Variants in KCTD19 observed in about 807,000 individuals in gnomAD.
KCTD19 encodes potassium channel tetramerization domain containing 19, also known as BTB/POZ domain-containing protein KCTD19.
A neutral mutation model predicts 103.5 loss-of-function variants in KCTD19; 67 were observed. That is an observed-to-expected ratio of 0.65 (90% CI 0.53 to 0.79). The LOEUF (loss-of-function observed/expected upper bound fraction) is 0.79. Ranked by LOEUF, KCTD19 falls within the 30% of genes least tolerant of loss-of-function variation. The pLI, the probability that KCTD19 is intolerant of heterozygous loss-of-function variation, is 0.00. For missense variants in KCTD19, 980 were observed against 1,136.1 expected, an observed-to-expected ratio of 0.86 and a Z score of 1.98; for synonymous variants, 439 against 452.2, an observed-to-expected ratio of 0.97 and a Z score of 0.37.
intron 8 of KCTD19, 97 bp from the exon 9 acceptor site, chr16:67,295,502 A>G: frequency 8.5e-7 from 1 of 1,176,836 alleles, no homozygotes; most frequent in Non-Finnish European, 1.2e-6. Flanking sequence ...ACTACACTAG[A>G]GCAGAGGCTT....
chr16:67,309,053 C>T (rs2036923092), intron 2 of KCTD19, among the ~76,000 whole-genome samples: 1 of 149,558 alleles, frequency 6.7e-6, no homozygotes, highest in Admixed American at 6.7e-5. Flanking sequence ...CATTTGAACC[C>T]AGGAGGCAGA....
rs2036861458 is a variant in KCTD19 at position 67,303,622 on chromosome 16, A to T, written c.452-285T>A. Among the ~76,000 whole-genome samples, 1 of 152,008 alleles carries T rather than the reference A, an allele frequency of 6.6e-6. No individual in the cohort carries two copies. The highest frequency in any genetic ancestry group is 1.5e-5 in the Non-Finnish European group (1 of 68,006). On this transcript the variant is annotated intron_variant, in intron 3 of 15. Coordinates refer to ENST00000304372, the MANE Select transcript of KCTD19 (RefSeq NM_001100915.3). This position sits in a 1 kb window ranked among gnomAD's most constrained non-coding sequence, Gnocchi z 4.3. ...GAATTCAGTGGTGCCATCTTGGCTC[A>T]CTGCAACCTCTGTCTCTCAGATTCA...
chr16:67,290,204 G>C (rs1273520880), intron 15 of KCTD19, among the ~76,000 whole-genome samples: 2 of 107,124 alleles, frequency 1.9e-5, no homozygotes, highest in Non-Finnish European at 3.4e-5. Context: ...TTGAGACGGA[G>C]TCTCGCTCTG....
intron 2 of KCTD19, among the ~76,000 whole-genome samples, chr16:67,306,026 G>C (rs1301913579): frequency 6.6e-6 from 1 of 152,202 alleles, no homozygotes; most frequent in Non-Finnish European, 1.5e-5. Context: ...GTGCTTTCCT[G>C]TGGCAGTGAA....
chr16:67,310,101 T>C lies in KCTD19; in HGVS notation c.301-5530A>G, dbSNP rs1597397641. 2.0e-5 allele frequency among the ~76,000 whole-genome samples: 3 copies of C among 152,356 alleles called. No individual in the cohort carries two copies. In the East Asian group the frequency reaches 5.8e-4, roughly 29 times the overall value. On this transcript the variant is annotated intron_variant, in intron 2 of 15. Coordinates refer to ENST00000304372, the MANE Select transcript of KCTD19 (RefSeq NM_001100915.3). ...GAACTCTGTCAACCAATACTTGCTC[T>C]GACTTCTAGAAATACAAGTCCTCTA...
chr16:67,312,991 G>A lies in KCTD19; in HGVS notation c.300+7598C>T, dbSNP rs540538136. On this transcript the variant is annotated intron_variant, in intron 2 of 15. Transcript: ENST00000304372. ...TAGGCTTTGCTTTGCTAGCCACATG[G>A]TCTCTGTCAACTCAACCACTCAGCT... 7.9e-5 allele frequency among the ~76,000 whole-genome samples: 12 copies of A among 152,248 alleles called. No homozygotes were observed. The South Asian group carries it at 2.3e-3, about 29-fold the overall frequency.
In KCTD19 at chr16:67,303,012, G is replaced by A; in HGVS notation, c.643+134C>T. The A allele has an allele frequency of 1.3e-6, 1 of 762,072 alleles. No homozygotes were observed. Among genetic ancestry groups the A allele is most frequent in the Non-Finnish European group, 2.1e-6 (1 of 469,838 alleles). The allele number at this position is 762,072 out of a possible 1,614,324, so 47.2% of individuals were successfully genotyped here. A position where few individuals can be genotyped will look rare whatever the true frequency, so the allele number is the denominator to read the frequency against. On this transcript the variant is annotated intron_variant, in intron 4 of 15. Transcript: ENST00000304372. This position sits in a 1 kb window ranked among gnomAD's most constrained non-coding sequence, Gnocchi z 4.3. ...CTTGCTTCCTGGAAGGCTCTGTCAT[G>A]CTTCCGCTACCTCTGCCCAGGGAAG... is the stretch of plus-strand genomic sequence containing the variant.
chr16:67,301,709 T>C (rs768617147), intron 5 of KCTD19, 82 bp downstream of exon 5: 29 of 1,309,660 alleles, frequency 2.2e-5, no homozygotes, highest in Admixed American at 3.7e-5. Context: ...CCCGAAGTGA[T>C]TGTGGGAGGG....
In KCTD19 at chr16:67,291,728, C is replaced by T. The variant is rs749653768; in HGVS notation, c.2328G>A (p.Met776Ile). The stretch of plus-strand genomic sequence containing the variant: ...TATAGATGATGCTGTCCTCAAAGAA[C>T]ATGCAGAAGCCATCGCTGCCCACCA... ...PPVVGSDGFCMFFEDSIIYTT... is the reference protein window; with the variant it reads ...PPVVGSDGFCIFFEDSIIYTT... Residue 776 changes from methionine (M) to isoleucine (I), a missense_variant, in exon 13 of 16, where the codon ATG (methionine) becomes ATA (isoleucine). Met to Ile is a conservative substitution (Grantham distance 10). Coordinates refer to ENST00000304372, the MANE Select transcript of KCTD19 (RefSeq NM_001100915.3). The T allele has an allele frequency of 6.2e-7, 1 of 1,614,030 alleles. No homozygotes were observed. Among genetic ancestry groups the T allele is most frequent in the African/African-American group, 1.3e-5 (1 of 74,922 alleles).
chr16:67,306,497 C>T (rs924411757), intron 2 of KCTD19, among the ~76,000 whole-genome samples: 12 of 152,274 alleles, frequency 7.9e-5, no homozygotes, highest in African/African-American at 2.9e-4. Context: ...AACTCCTGGC[C>T]TCAAATGATC....
chr16:67,291,482 G>A lies in KCTD19; in HGVS notation c.2411-19C>T, dbSNP rs1271653923. 1.2e-6 allele frequency: 2 copies of A among 1,611,192 alleles called. No individual in the cohort carries two copies. The highest frequency in any genetic ancestry group is 1.1e-5 in the South Asian group (1 of 90,540). Reference sequence around the variant, plus strand: ...GTCACTTCTGTGGAGGAGGGAAAGTGGATGTGGCCACATCTGTCAATAGCT... The same window carrying A: ...GTCACTTCTGTGGAGGAGGGAAAGTAGATGTGGCCACATCTGTCAATAGCT... On this transcript the variant is annotated intron_variant, in intron 13 of 15. Coordinates refer to ENST00000304372, the MANE Select transcript of KCTD19 (RefSeq NM_001100915.3).
At chr16:67,312,674 C>G (rs1370888463) in intron 2 of KCTD19, among the ~76,000 whole-genome samples, 11 of 152,198 alleles carry the variant, frequency 7.2e-5, no homozygotes, top group Non-Finnish European at 1.5e-4. Context: ...ACACATCCCT[C>G]AAAATCCACC....
Position 67,320,855 on chromosome 16 carries a change from C to T in KCTD19, c.34G>A (p.Glu12Lys). Residue 12 changes from glutamate (E) to lysine (K), a missense_variant, in exon 2 of 16, where the codon GAG becomes AAG. Coordinates refer to ENST00000304372, the MANE Select transcript of KCTD19 (RefSeq NM_001100915.3). This position sits in a 1 kb window ranked among gnomAD's most constrained non-coding sequence, Gnocchi z 4.0. ...EESGMAHESA[E>K]DLFHFNVGGW... ...CCTACGTTGAAATGAAACAAGTCCTCTGCTGATTCATGAGCCATGCCAGAC... is the reference window on the plus strand; with the variant it reads ...CCTACGTTGAAATGAAACAAGTCCTTTGCTGATTCATGAGCCATGCCAGAC... 6.2e-7 allele frequency: 1 copy of T among 1,614,040 alleles called. No individual in the cohort carries two copies. Among genetic ancestry groups the T allele is most frequent in the Non-Finnish European group, 8.5e-7 (1 of 1,179,968 alleles).
At position 67,293,591 on chromosome 16, in the gene KCTD19, C is replaced by G. The variant is rs1217943920; in HGVS notation, c.2171G>C (p.Arg724Thr). ...PTFKPYLPPK[R>T]AGTLKDWSKQ... ...GCTCCAGTCCTTCAGGGTGCCAGCT[C>G]TTTTTGGGGGTAAGTATGGCTTGAA... is the stretch of plus-strand genomic sequence containing the variant. Residue 724 changes from arginine (R) to threonine (T), a missense_variant, in exon 12 of 16, where the codon AGA becomes ACA. Arg to Thr is a moderately conservative substitution (Grantham distance 71). Transcript: ENST00000304372. The surrounding 1 kb of genome is among the most constrained non-coding windows in gnomAD (Gnocchi z 4.0). 8.7e-6 allele frequency: 14 copies of G among 1,614,068 alleles called. No homozygotes were observed. The highest frequency in any genetic ancestry group is 1.2e-5 in the Non-Finnish European group (14 of 1,180,022).
chr16:67,316,841 G>A (rs1165367607), intron 2 of KCTD19, among the ~76,000 whole-genome samples: 1 of 152,174 alleles, frequency 6.6e-6, no homozygotes, highest in Non-Finnish European at 1.5e-5. Context: ...GGGTTGGGTG[G>A]GCAGGTGGAG....
In KCTD19 at chr16:67,299,425, C is replaced by G. The variant is rs780820540; in HGVS notation, c.924G>C (p.Glu308Asp). ...ACAGTCGGCTTCCGTCTAGCGTGCT[C>G]TCGATGCGAAGCTGGCCCAGCGCAG... ...PDSALGQLRIESTLDGSRLYI... is the reference protein window; with the variant it reads ...PDSALGQLRIDSTLDGSRLYI... The change falls in exon 6 of 16, where the codon GAG (glutamate) becomes GAC (aspartate). Residue 308 changes from glutamate (E) to aspartate (D), a missense_variant. By Grantham distance (45) the Glu-to-Asp change is conservative. Transcript: ENST00000304372. 1.2e-6 allele frequency: 2 copies of G among 1,614,266 alleles called. No homozygotes were observed. The highest frequency in any genetic ancestry group is 4.5e-5 in the East Asian group (2 of 44,894).
Position 67,304,421 on chromosome 16 carries a change from C to G in KCTD19, c.451G>C (p.Gly151Arg). Residue 151 changes from glycine to arginine, a missense_variant and splice_region_variant, in exon 3 of 16, where the codon GGC becomes CGC. Coordinates refer to ENST00000304372, the MANE Select transcript of KCTD19 (RefSeq NM_001100915.3). ...GGAGGGACAGCCTATCCCAATTCAC[C>G]TGTAAAGGCTGGGCTTTTAATTGGA... ...EFPIKSPAFT[G>R]LHDKAPLGLM... The G allele has an allele frequency of 6.2e-7, 1 of 1,613,908 alleles. No homozygotes were observed. The highest frequency in any genetic ancestry group is 8.5e-7 in the Non-Finnish European group (1 of 1,179,816).
intron 6 of KCTD19, among the ~76,000 whole-genome samples, chr16:67,299,099 G>A (rs946784943): frequency 1.3e-5 from 2 of 152,282 alleles, no homozygotes; most frequent in African/African-American, 4.8e-5. Context: ...TAGAACCAGG[G>A]AAATGGACTG....
intron 3 of KCTD19, 57 bp downstream of exon 3, chr16:67,304,364 G>C: frequency 6.4e-7 from 1 of 1,561,696 alleles, no homozygotes; most frequent in African/African-American, 1.4e-5. Context: ...TTCTGTTAGG[G>C]TGAGGAGAGG....
Sources: allele counts gnomAD v4.1 joint callset (sites outside exome capture counted in the v4.1 genomes callset), GRCh38; gene constraint gnomAD v4.1.1; non-coding constraint Gnocchi (gnomAD v3.1); transcripts MANE v1.5; gene names NCBI Gene and HGNC (gene_info 2026-07-23, HGNC 2026-07-21).